ADARB2: variants seen among roughly 807,000 people sequenced by gnomAD.
ADARB2 encodes inactive double-stranded RNA-specific editase B2.
Under a neutral mutation model 62.2 loss-of-function variants are expected in ADARB2, and 25 were observed. The observed-to-expected ratio is 0.40, with a 90% CI of 0.29 to 0.56. The LOEUF (loss-of-function observed/expected upper bound fraction) is 0.56. Among genes scored for constraint, ADARB2 ranks in the 20% least tolerant of loss-of-function variants. The pLI, the probability that ADARB2 is intolerant of heterozygous loss-of-function variation, is 0.43. For synonymous variants in ADARB2, 572 were observed against 500.8 expected (o/e 1.14, Z -1.90); for missense variants, 1,071 against 1,077.4 (o/e 0.99, Z 0.08).
intron 1 of ADARB2, among the ~76,000 whole-genome samples, chr10:1,729,481 T>G (rs1391204931): frequency 6.6e-6 from 1 of 152,122 alleles, no homozygotes; most frequent in Non-Finnish European, 1.5e-5. Flanking sequence ...AGACTTGGGG[T>G]TTGGAGGAGG....
At chr10:1,590,830 G>A (rs1833242693) in intron 1 of ADARB2, among the ~76,000 whole-genome samples, 1 of 152,152 alleles carries the variant, frequency 6.6e-6, no homozygotes, top group Non-Finnish European at 1.5e-5. Context: ...CTGATGCTCA[G>A]CACGGGAAAC....
At chr10:1,410,708 G>A (rs1832752390) in intron 1 of ADARB2, among the ~76,000 whole-genome samples, 1 of 151,796 alleles carries the variant, frequency 6.6e-6, no homozygotes, top group Admixed American at 6.5e-5. Flanking sequence ...AAGACCCCCT[G>A]TCCTCCTTCA....
rs1234464847 is a variant in ADARB2 at position 1,585,579 on chromosome 10, G to A, written c.100+151472C>T. ...GACCAAGGCTTACGTGATGATTCCT[G>A]CTCTACCCTCCTCTCACATGGGAAT... On this transcript the variant is annotated intron_variant, in intron 1 of 9. Coordinates refer to ENST00000381312, the MANE Select transcript of ADARB2 (RefSeq NM_018702.4). 4.6e-5 allele frequency among the ~76,000 whole-genome samples: 7 copies of A among 152,138 alleles called. No homozygotes were observed. The East Asian group carries it at 1.2e-3, about 25-fold the overall frequency.
intron 1 of ADARB2, among the ~76,000 whole-genome samples, chr10:1,690,967 C>T (rs1272038695): frequency 1.3e-5 from 2 of 152,190 alleles, no homozygotes; most frequent in Non-Finnish European, 2.9e-5. Context: ...CCTCTCAACC[C>T]CACGCTGTGC....
chr10:1,611,145 CG>C (rs1214524856), intron 1 of ADARB2, among the ~76,000 whole-genome samples: 1 of 152,174 alleles, frequency 6.6e-6, no homozygotes, highest in African/African-American at 2.4e-5. Context: ...CCCGTGGACC[CG>C]GCTTTCCCCA....
intron 1 of ADARB2, among the ~76,000 whole-genome samples, chr10:1,624,892 G>A (rs1833747747): frequency 1.3e-5 from 2 of 152,048 alleles, no homozygotes. Flanking sequence ...AAAAACTAAA[G>A]GTTAAATTAC....
chr10:1,276,863 A>T (rs1296510), intron 3 of ADARB2, among the ~76,000 whole-genome samples: 3 of 152,184 alleles, frequency 2.0e-5, no homozygotes, highest in Non-Finnish European at 4.4e-5. Flanking sequence ...GAAGTAAAGC[A>T]CTCCTCAGCA....
chr10:1,604,019 G>A (rs1833464769), intron 1 of ADARB2, among the ~76,000 whole-genome samples: 1 of 151,958 alleles, frequency 6.6e-6, no homozygotes, highest in Admixed American at 6.6e-5. Flanking sequence ...TGGCCAGGCT[G>A]GTCTCAAACT....
chr10:1,542,984 C>T (rs1210308657), intron 1 of ADARB2, among the ~76,000 whole-genome samples: 4 of 152,280 alleles, frequency 2.6e-5, no homozygotes, highest in African/African-American at 9.6e-5. Context: ...GCTGTCCGTC[C>T]GCCCGAGCAG....
chr10:1,575,939 C>T (rs570273109), intron 1 of ADARB2, among the ~76,000 whole-genome samples: 1 of 37,754 alleles, frequency 2.6e-5, no homozygotes, highest in African/African-American at 1.2e-4. Context: ...AGCTGCAGAG[C>T]ACAAAGCGCA....
chr10:1,357,424 C>T (rs1027888465), intron 3 of ADARB2, among the ~76,000 whole-genome samples: 1 of 152,100 alleles, frequency 6.6e-6, no homozygotes, highest in Non-Finnish European at 1.5e-5. Flanking sequence ...CCCTCCTGTC[C>T]CTGGCACCAC....
At position 1,319,177 on chromosome 10, in the gene ADARB2, G is replaced by C. The variant is rs115780716; in HGVS notation, c.1077+43851C>G. Reference sequence around the variant, plus strand: ...AGACTTCCTTACACACAGAGATACAGCATATAGTATAAGAGCAGGGACACC... The same window carrying C: ...AGACTTCCTTACACACAGAGATACACCATATAGTATAAGAGCAGGGACACC... On this transcript the variant is annotated intron_variant, in intron 3 of 9. Transcript: ENST00000381312. 7.4e-3 allele frequency among the ~76,000 whole-genome samples: 1,134 copies of C among 152,312 alleles called. 20 individuals are homozygous for C. Among genetic ancestry groups the C allele is most frequent in the African/African-American group, 0.025 (1,039 of 41,558 alleles).
intron 1 of ADARB2, among the ~76,000 whole-genome samples, chr10:1,423,789 CCACTATGCATGCAGTAAGAT>C (rs1371065566): frequency 6.6e-5 from 10 of 151,874 alleles, no homozygotes; most frequent in Non-Finnish European, 1.5e-4. Flanking sequence ...TGCAGTAGGT[CCACTATGCATGCAGTAAGAT>C]CACTATGTAT....
At chr10:1,437,422 G>A (rs1830845799) in intron 1 of ADARB2, among the ~76,000 whole-genome samples, 1 of 152,252 alleles carries the variant, frequency 6.6e-6, no homozygotes, top group African/African-American at 2.4e-5. Context: ...GGACACACAT[G>A]CTTATGGTAC....
chr10:1,679,188 C>T (rs951517627), intron 1 of ADARB2, among the ~76,000 whole-genome samples: 2 of 152,144 alleles, frequency 1.3e-5, no homozygotes, highest in African/African-American at 4.8e-5. Context: ...CGAGGAGCTG[C>T]CCTCTCCTTC....
rs11250538 is a variant in ADARB2 at position 1,464,182 on chromosome 10, C to T, written c.101-85022G>A. Among the ~76,000 whole-genome samples the T allele has an allele frequency of 8.9e-4, 94 of 105,684 alleles. 1 individual carries two copies. The highest frequency in any genetic ancestry group is 3.5e-3 in the South Asian group (10 of 2,896). 69.3% of individuals were successfully genotyped at this position (105,684 alleles called of 152,430 possible). A position where few individuals can be genotyped will look rare whatever the true frequency, so the allele number is the denominator to read the frequency against. ...GGGGCAGTCACAGCGGGCAGTGCGC[C>T]GGAGAAGAGGGTGGACACACACTCC... On this transcript the variant is annotated intron_variant, in intron 1 of 9. Coordinates refer to ENST00000381312, the MANE Select transcript of ADARB2 (RefSeq NM_018702.4).
At chr10:1,559,665 C>T (rs1381867991) in intron 1 of ADARB2, among the ~76,000 whole-genome samples, 1 of 152,210 alleles carries the variant, frequency 6.6e-6, no homozygotes, top group African/African-American at 2.4e-5. Flanking sequence ...GGGCGAGAAT[C>T]ACACCAGAAA....
chr10:1,350,911 G>A (rs1832130393), intron 3 of ADARB2, among the ~76,000 whole-genome samples: 1 of 152,050 alleles, frequency 6.6e-6, no homozygotes, highest in Non-Finnish European at 1.5e-5. Flanking sequence ...GCAATTCCTT[G>A]CATCCACTGT....
intron 1 of ADARB2, among the ~76,000 whole-genome samples, chr10:1,456,013 T>C (rs1831091207): frequency 6.6e-6 from 1 of 152,230 alleles, no homozygotes; most frequent in African/African-American, 2.4e-5. Context: ...TCACTTATAA[T>C]AGCACATTCA....
Sources: allele counts gnomAD v4.1 joint callset (sites outside exome capture counted in the v4.1 genomes callset), GRCh38; gene constraint gnomAD v4.1.1; transcripts MANE v1.5; gene names NCBI Gene and HGNC (gene_info 2026-07-23, HGNC 2026-07-21).